The following DNAH17 variants were observed in gnomAD, a reference collection of about 807,000 sequenced individuals.
DNAH17 encodes the protein dynein axonemal heavy chain 17.
DNAH17 carries 376 observed loss-of-function variants against 485.6 expected under a neutral mutation model. The observed-to-expected ratio is 0.77, with a 90% confidence interval of 0.71 to 0.84. The LOEUF (loss-of-function observed/expected upper bound fraction) is 0.84. Among genes scored for constraint, DNAH17 ranks in the 40% least tolerant of loss-of-function variants. DNAH17 has a pLI of 0.00. For missense variants in DNAH17, 6,370 were observed against 5,839.3 expected (o/e 1.09, Z -2.96); for synonymous variants, 3,031 against 2,405.9 (o/e 1.26, Z -7.60).
Position 78,458,640 on chromosome 17 carries a change from T to C in DNAH17, c.9902A>G (p.Glu3301Gly). The C allele has an allele frequency of 6.2e-7, 1 of 1,614,064 alleles. No homozygotes were observed. Among genetic ancestry groups the C allele is most frequent in the Non-Finnish European group, 8.5e-7 (1 of 1,179,892 alleles). ...CTTGATTTTCTCAGCTGTTGCTTTT[T>C]CAAACGCTGAGGTTAGGTTGCTCAG... ...ANLSNLTSAF[E>G]KATAEKIKCQ... Residue 3301 changes from glutamate to glycine, a missense_variant, in exon 62 of 81, where the codon GAA becomes GGA. Glu to Gly is a moderately conservative substitution (Grantham distance 98). Transcript: ENST00000389840.
At chr17:78,432,257 A>AGTCTCTGCGTGGTTTGGCC (rs1302743732) in intron 75 of DNAH17, among the ~76,000 whole-genome samples, 16 of 152,300 alleles carry the variant, frequency 1.1e-4, no homozygotes, top group Middle Eastern at 3.4e-3. Flanking sequence ...CTCCCAAACT[A>AGTCTCTGCGTGGTTTGGCC]GTCTCTGCGT....
At chr17:78,453,148 T>A (rs1383368813) in intron 65 of DNAH17, among the ~76,000 whole-genome samples, 195 bp downstream of exon 65, 2 of 152,206 alleles carry the variant, frequency 1.3e-5, no homozygotes, top group Non-Finnish European at 2.9e-5. Context: ...TATTCCTAAT[T>A]GGGAAGTGGC....
chr17:78,573,625 T>C (rs1317533282), intron 2 of DNAH17, among the ~76,000 whole-genome samples: 1 of 136,994 alleles, frequency 7.3e-6, no homozygotes, highest in East Asian at 2.4e-4. Context: ...GGTGAGTAAT[T>C]AAAATCAGAT....
rs1332793986 is a variant in DNAH17 at position 78,447,251 on chromosome 17, T to C, written c.11212-1571A>G. On this transcript the variant is annotated intron_variant, in intron 69 of 80. Coordinates refer to ENST00000389840, the MANE Select transcript of DNAH17 (RefSeq NM_173628.4). ...CTCATCTGGCTTTTGGCTGCTGCGATTAATGCTGTTGTGAATGCTGATGTA... is the reference window on the plus strand; with the variant it reads ...CTCATCTGGCTTTTGGCTGCTGCGACTAATGCTGTTGTGAATGCTGATGTA... Among the ~76,000 whole-genome samples the C allele has an allele frequency of 3.9e-5, 6 of 152,324 alleles. No individual in the cohort carries two copies. The East Asian group carries it at 1.2e-3, about 29-fold the overall frequency.
chr17:78,543,982 G>A lies in DNAH17; in HGVS notation c.2407C>T (p.Pro803Ser). ...SQAMKDWSAN[P>S]LFERKDNKKE... ...TTATTGTCCTTTCTTTCAAACAGCG[G>A]GTTGGCCGACCAGTCCTGGAAGGAA... Residue 803 changes from proline to serine, a missense_variant, in exon 17 of 81, where the codon CCG becomes TCG. Coordinates refer to ENST00000389840, the MANE Select transcript of DNAH17 (RefSeq NM_173628.4). The A allele has an allele frequency of 6.2e-7, 1 of 1,613,986 alleles. No homozygotes were observed. Among genetic ancestry groups the A allele is most frequent in the Non-Finnish European group, 8.5e-7 (1 of 1,179,884 alleles).
In DNAH17 at chr17:78,459,764, G is replaced by C; in HGVS notation, c.9653+20C>G. 1.2e-6 allele frequency: 2 copies of C among 1,613,172 alleles called. No homozygotes were observed. Among genetic ancestry groups the C allele is most frequent in the Non-Finnish European group, 1.7e-6 (2 of 1,179,258 alleles). On this transcript the variant is annotated intron_variant, in intron 60 of 80. Coordinates refer to ENST00000389840, the MANE Select transcript of DNAH17 (RefSeq NM_173628.4). ...AGAATCGGAGGGAAGCCCCGGCTAC[G>C]AGGCCCAGCCCCGACTCACTTGAAG...
In DNAH17 at chr17:78,529,446, C is replaced by G. The variant is rs377536024; in HGVS notation, c.3507+26G>C. 61 of 1,610,084 alleles carry G rather than the reference C, an allele frequency of 3.8e-5. No individual in the cohort carries two copies. In the Admixed American group the frequency reaches 1.0e-3, roughly 27 times the overall value. On this transcript the variant is annotated intron_variant, in intron 22 of 80. Coordinates refer to ENST00000389840, the MANE Select transcript of DNAH17 (RefSeq NM_173628.4). The stretch of plus-strand genomic sequence containing the variant: ...GGATGGCTCTCCCTGCTCACCTGGA[C>G]GCAGCCACACCCACCCACCACGTAC...
In DNAH17 at chr17:78,429,049, G is replaced by A. The variant is rs1022495484; in HGVS notation, c.12405+72C>T. 7 of 1,511,586 alleles carry A rather than the reference G, an allele frequency of 4.6e-6. No individual in the cohort carries two copies. The Admixed American group carries it at 5.3e-5, about 12-fold the overall frequency. The allele number at this position is 1,511,586 out of a possible 1,614,324, so 93.6% of individuals were successfully genotyped here. ...TTGCTCAATTATTGACACTCCATTT[G>A]TGCTGGCAGGCTCTCACCGGGAGGC... On this transcript the variant is annotated intron_variant, in intron 76 of 80. Coordinates refer to ENST00000389840, the MANE Select transcript of DNAH17 (RefSeq NM_173628.4).
chr17:78,466,370 C>T (rs1219256254), intron 56 of DNAH17, among the ~76,000 whole-genome samples: 1 of 152,148 alleles, frequency 6.6e-6, no homozygotes, highest in Non-Finnish European at 1.5e-5. Context: ...TGCTGACCTT[C>T]CCTCCACTAT....
At chr17:78,482,451 T>C (rs951866698) in intron 48 of DNAH17, among the ~76,000 whole-genome samples, 15 of 152,222 alleles carry the variant, frequency 9.9e-5, no homozygotes, top group African/African-American at 3.1e-4. Flanking sequence ...AATGTTTTCT[T>C]CCATTCTTTT....
At chr17:78,525,637 A>G (rs2091048279) in intron 24 of DNAH17, among the ~76,000 whole-genome samples, 1 of 152,208 alleles carries the variant, frequency 6.6e-6, no homozygotes. Context: ...TGGACACGTA[A>G]CAGGCAGGCT....
At chr17:78,427,984 A>C (rs1185716689) in intron 77 of DNAH17, among the ~76,000 whole-genome samples, 1 of 137,758 alleles carries the variant, frequency 7.3e-6, no homozygotes. Flanking sequence ...AAAAAAAAAA[A>C]AAAAGTGGAG....
At chr17:78,506,880 G>A (rs2090499766) in intron 29 of DNAH17, 34 bp from the exon 30 acceptor site, 2 of 1,613,234 alleles carry the variant, frequency 1.2e-6, no homozygotes, top group African/African-American at 1.3e-5. Flanking sequence ...GGAGGCCGGT[G>A]ACCCTACTCT....
At position 78,560,716 on chromosome 17, in the gene DNAH17, G is replaced by A. The variant is rs555948863; in HGVS notation, c.2031+24C>T. The A allele has an allele frequency of 7.4e-5, 114 of 1,530,894 alleles. No individual in the cohort carries two copies. In the East Asian group the frequency reaches 8.1e-4, roughly 11 times the overall value. 94.8% of individuals were successfully genotyped at this position (1,530,894 alleles called of 1,614,324 possible). On this transcript the variant is annotated intron_variant, in intron 13 of 80. Coordinates refer to ENST00000389840, the MANE Select transcript of DNAH17 (RefSeq NM_173628.4). ...CCCCCGCTCCCAAGGAGCCTTTGAC[G>A]CGGTCCCCACTCCTGGCACCCACCG... is the stretch of plus-strand genomic sequence containing the variant.
chr17:78,527,180 C>A (rs1452649360), intron 22 of DNAH17, among the ~76,000 whole-genome samples, 184 bp from the exon 23 acceptor site: 1 of 152,008 alleles, frequency 6.6e-6, no homozygotes, highest in Non-Finnish European at 1.5e-5. Context: ...CCCAGGAGTT[C>A]GAGACCAGCC....
intron 26 of DNAH17, among the ~76,000 whole-genome samples, chr17:78,511,255 G>T (rs545658446): frequency 9.7e-4 from 148 of 152,290 alleles, no homozygotes; most frequent in Non-Finnish European, 1.5e-3. Context: ...CTACAGGCAC[G>T]TACCACCACG....
At chr17:78,565,638 T>C (rs1280869682) in intron 11 of DNAH17, among the ~76,000 whole-genome samples, 3 of 152,058 alleles carry the variant, frequency 2.0e-5, no homozygotes, top group East Asian at 1.9e-4. Flanking sequence ...CTGGGAAACA[T>C]AGCAAAACCT....
chr17:78,516,586 A>T (rs1170697444), intron 25 of DNAH17, among the ~76,000 whole-genome samples: 1 of 150,328 alleles, frequency 6.7e-6, no homozygotes, highest in African/African-American at 2.4e-5. Flanking sequence ...GCTACTGGGG[A>T]GGCTGAGGCA....
Position 78,434,073 on chromosome 17 carries a change from T to A in DNAH17, c.12181A>T (p.Ile4061Phe). 1.2e-6 allele frequency: 2 copies of A among 1,613,422 alleles called. No homozygotes were observed. Among genetic ancestry groups the A allele is most frequent in the African/African-American group, 2.7e-5 (2 of 75,034 alleles). Residue 4061 changes from isoleucine (I) to phenylalanine (F), a missense_variant, in exon 75 of 81, where the codon ATC (isoleucine) becomes TTC (phenylalanine). By Grantham distance (21) the Ile-to-Phe change is conservative (BLOSUM62 0). Coordinates refer to ENST00000389840, the MANE Select transcript of DNAH17 (RefSeq NM_173628.4). Reference protein sequence around the residue: ...SYPFNNGDLTISINVLYNYLE... With the variant: ...SYPFNNGDLTFSINVLYNYLE... ...TAGTTGTAGAGCACGTTGATGGAGA[T>A]GGTGAGGTCCCCGTTGTTGAAGGGG...
Sources: allele counts gnomAD v4.1 joint callset (sites outside exome capture counted in the v4.1 genomes callset), GRCh38; gene constraint gnomAD v4.1.1; transcripts MANE v1.5; gene names NCBI Gene and HGNC (gene_info 2026-07-23, HGNC 2026-07-21).